KLF15: variants seen among roughly 807,000 people sequenced by gnomAD.
KLF15 encodes KLF transcription factor 15.
In KLF15, 4 loss-of-function variants were observed where a neutral mutation model predicts 24.6. The ratio of observed to expected loss-of-function variants is 0.16; its 90% CI spans 0.08 to 0.37. The LOEUF is 0.37. Among genes scored for constraint, KLF15 ranks in the 10% least tolerant of loss-of-function variants. KLF15 has a pLI of 1.00. For missense variants in KLF15, 496 were observed against 560.6 expected (o/e 0.88, Z 1.16); for synonymous variants, 246 against 236.3 (o/e 1.04, Z -0.37).
the KLF15 span, among the ~76,000 whole-genome samples, chr3:126,296,960 A>T: frequency 6.6e-6 from 1 of 151,988 alleles, no homozygotes; most frequent in African/African-American, 2.4e-5. Flanking sequence ...TGTTTTTTAG[A>T]TGCAGGGTCT....
chr3:126,323,417 A>ATATATATATAACATATATATGT, the KLF15 span, among the ~76,000 whole-genome samples: 18 of 38,226 alleles, frequency 4.7e-4, 1 homozygote, highest in African/African-American at 1.9e-3. Context: ...ATATATATAT[A>ATATATATATAACATATATATGT]TATATATATA....
At chr3:126,348,189 C>G (rs1234830853) in intron 2 of KLF15, among the ~76,000 whole-genome samples, 1 of 152,198 alleles carries the variant, frequency 6.6e-6, no homozygotes, top group Non-Finnish European at 1.5e-5. Flanking sequence ...GGCTGGCTGA[C>G]TGGAGAATTT....
chr3:126,298,863 C>T, the KLF15 span, among the ~76,000 whole-genome samples: 1 of 152,146 alleles, frequency 6.6e-6, no homozygotes, highest in Non-Finnish European at 1.5e-5. Context: ...GTTTTGGTAA[C>T]TACAGCCTTG....
At chr3:126,344,811 T>G (rs2082519118) in intron 2 of KLF15, among the ~76,000 whole-genome samples, 1 of 152,220 alleles carries the variant, frequency 6.6e-6, no homozygotes, top group Admixed American at 6.5e-5. Flanking sequence ...GCAAAGTGTA[T>G]CTGGGAGTTC....
chr3:126,341,404 C>T (rs980792214), downstream of KLF15, among the ~76,000 whole-genome samples: 1 of 152,208 alleles, frequency 6.6e-6, no homozygotes, highest in Non-Finnish European at 1.5e-5. Flanking sequence ...AGACAACAAT[C>T]CTCCCTGTCC....
At chr3:126,292,320 C>A in the KLF15 span, among the ~76,000 whole-genome samples, 1 of 152,154 alleles carries the variant, frequency 6.6e-6, no homozygotes, top group African/African-American at 2.4e-5. Flanking sequence ...ACTCTCCATT[C>A]CCCACAGACT....
chr3:126,311,655 C>T, the KLF15 span, among the ~76,000 whole-genome samples: 1 of 152,228 alleles, frequency 6.6e-6, no homozygotes, highest in South Asian at 2.1e-4. Context: ...CTTTCCTTCC[C>T]AGGCTGAGGA....
At chr3:126,298,304 T>G in the KLF15 span, among the ~76,000 whole-genome samples, 2 of 138,130 alleles carry the variant, frequency 1.4e-5, no homozygotes, top group Admixed American at 1.4e-4. Flanking sequence ...ATTATTAGGT[T>G]TTTTTTTTTT....
At chr3:126,297,010 G>A in the KLF15 span, among the ~76,000 whole-genome samples, 3 of 152,248 alleles carry the variant, frequency 2.0e-5, no homozygotes, top group South Asian at 6.2e-4. Flanking sequence ...CTGGGCTGAA[G>A]CAATCCTCCC....
chr3:126,346,981 C>T (rs1418575875), intron 2 of KLF15, among the ~76,000 whole-genome samples: 1 of 152,130 alleles, frequency 6.6e-6, no homozygotes, highest in Non-Finnish European at 1.5e-5. Flanking sequence ...GGTTTAGAGC[C>T]CTGCTTAGCA....
chr3:126,326,797 TTAAC>T, the KLF15 span, among the ~76,000 whole-genome samples: 3 of 152,228 alleles, frequency 2.0e-5, no homozygotes, highest in African/African-American at 7.2e-5. Context: ...CAATTAATTA[TTAAC>T]TAGAGTTTAA....
intron 1 of KLF15, among the ~76,000 whole-genome samples, chr3:126,355,745 G>C (rs2082625296): frequency 6.6e-6 from 1 of 152,250 alleles, no homozygotes; most frequent in Admixed American, 6.5e-5. Context: ...GTGCGGGGGA[G>C]AGCGGGGGAG....
chr3:126,301,616 T>TTTTTC, the KLF15 span, among the ~76,000 whole-genome samples: 2 of 128,482 alleles, frequency 1.6e-5, no homozygotes, highest in Non-Finnish European at 3.2e-5. Context: ...TTTTCTTTTT[T>TTTTTC]TTTTTTTTTT....
chr3:126,308,468 G>A, the KLF15 span, among the ~76,000 whole-genome samples: 1 of 152,144 alleles, frequency 6.6e-6, no homozygotes, highest in Non-Finnish European at 1.5e-5. Flanking sequence ...CCTCATTCCA[G>A]CTGAGGGAGC....
At chr3:126,322,073 G>T in the KLF15 span, among the ~76,000 whole-genome samples, 1 of 152,166 alleles carries the variant, frequency 6.6e-6, no homozygotes, top group Non-Finnish European at 1.5e-5. Context: ...CCTGGTCACC[G>T]ATTTTAGACT....
At chr3:126,291,890 G>A in the KLF15 span, among the ~76,000 whole-genome samples, 10 of 152,212 alleles carry the variant, frequency 6.6e-5, no homozygotes, top group Admixed American at 1.3e-4. Flanking sequence ...GCTCCTTGCC[G>A]GGCTTAGCCT....
At chr3:126,335,890 G>A in the KLF15 span, among the ~76,000 whole-genome samples, 3 of 138,148 alleles carry the variant, frequency 2.2e-5, no homozygotes, top group Non-Finnish European at 3.1e-5. Flanking sequence ...CCTCTTCAAG[G>A]AGAACTACAA....
chr3:126,331,084 T>G, the KLF15 span, among the ~76,000 whole-genome samples: 1 of 151,972 alleles, frequency 6.6e-6, no homozygotes, highest in African/African-American at 2.4e-5. Flanking sequence ...GGCAGGGTAG[T>G]GGGGAAGGAA....
chr3:126,303,840 C>T, the KLF15 span, among the ~76,000 whole-genome samples: 7 of 151,670 alleles, frequency 4.6e-5, no homozygotes, highest in Non-Finnish European at 1.0e-4. Flanking sequence ...TGTGTATCAC[C>T]TTATATTATT....
Sources: gnomAD v4.1 joint callset for allele counts (sites outside exome capture counted in the v4.1 genomes callset) on GRCh38, gnomAD v4.1.1 for gene constraint, MANE v1.5 for transcripts, NCBI Gene and HGNC (gene_info 2026-07-23, HGNC 2026-07-21) for gene names.